PTCSC3: variants seen among roughly 807,000 people sequenced by gnomAD.
The protein encoded by PTCSC3 is papillary thyroid carcinoma susceptibility candidate 3.
At chr14:36,172,576 T>A (rs1410275943) in intron 1 of PTCSC3, among the ~76,000 whole-genome samples, 1 of 152,170 alleles carries the variant, frequency 6.6e-6, no homozygotes, top group Non-Finnish European at 1.5e-5. Flanking sequence ...TGCCTAATGT[T>A]CCTTGTTTTC....
chr14:36,162,579 T>A (rs1881990522), intron 2 of PTCSC3: 1 of 152,242 alleles, frequency 6.6e-6, no homozygotes, highest in Admixed American at 6.5e-5. Context: ...CCAGTCCCAA[T>A]GAGATTAACT....
intron 3 of PTCSC3, among the ~76,000 whole-genome samples, chr14:36,147,354 G>A (rs1881600443): frequency 6.6e-6 from 1 of 152,134 alleles, no homozygotes; most frequent in Non-Finnish European, 1.5e-5. Flanking sequence ...TGGAGGCTTT[G>A]CTCATTTCTT....
chr14:36,136,632 A>C (rs937380284), intron 3 of PTCSC3, among the ~76,000 whole-genome samples: 2 of 152,170 alleles, frequency 1.3e-5, no homozygotes, highest in Non-Finnish European at 2.9e-5. Context: ...TTACCCAGTA[A>C]TTATGCTTAT....
At chr14:36,166,633 C>G (rs1334485438) in intron 1 of PTCSC3, among the ~76,000 whole-genome samples, 2 of 151,892 alleles carry the variant, frequency 1.3e-5, no homozygotes, top group Non-Finnish European at 2.9e-5. Flanking sequence ...ACAGTTGTCC[C>G]AGAAATCTCT....
At chr14:36,157,688 G>A (rs1455231008) in intron 2 of PTCSC3, among the ~76,000 whole-genome samples, 1 of 152,042 alleles carries the variant, frequency 6.6e-6, no homozygotes, top group East Asian at 1.9e-4. Context: ...GTCAGGTAGT[G>A]TGATGCCCCC....
chr14:36,168,148 G>C (rs1009700933), intron 1 of PTCSC3, among the ~76,000 whole-genome samples: 1 of 151,862 alleles, frequency 6.6e-6, no homozygotes, highest in Non-Finnish European at 1.5e-5. Flanking sequence ...TTTCTATCTT[G>C]ATATTTTCTC....
At chr14:36,141,467 A>G (rs183713074) in intron 3 of PTCSC3, among the ~76,000 whole-genome samples, 1 of 152,060 alleles carries the variant, frequency 6.6e-6, no homozygotes, top group East Asian at 1.9e-4. Context: ...ATATATATCT[A>G]TAAACATCCC....
At chr14:36,148,212 C>A (rs1260004727) in intron 3 of PTCSC3, among the ~76,000 whole-genome samples, 1 of 152,086 alleles carries the variant, frequency 6.6e-6, no homozygotes, top group Non-Finnish European at 1.5e-5. Flanking sequence ...TTCCCGGCTG[C>A]TTTGTTTACC....
rs372091601 is a variant in PTCSC3, at chr14:36,166,360, G to C, written n.172-3677C>G. On this transcript the variant is annotated intron_variant and non_coding_transcript_variant, in intron 1 of 3. Transcript: ENST00000556013. ...AATATGTGTAAGTTATTAAATTAAGGCTCAACTACGTCTGAATTTTTAGTG... is the reference window on the plus strand; with the variant it reads ...AATATGTGTAAGTTATTAAATTAAGCCTCAACTACGTCTGAATTTTTAGTG... 7.8e-4 allele frequency among the ~76,000 whole-genome samples: 119 copies of C among 152,252 alleles called. 2 individuals carry two copies. The highest frequency in any genetic ancestry group is 2.8e-3 in the African/African-American group (115 of 41,544).
At chr14:36,145,565 G>A (rs1389109068) in intron 3 of PTCSC3, among the ~76,000 whole-genome samples, 1 of 135,510 alleles carries the variant, frequency 7.4e-6, no homozygotes, top group African/African-American at 2.7e-5. Flanking sequence ...TTCTTTATTA[G>A]TCTTGCTAGC....
intron 2 of PTCSC3, among the ~76,000 whole-genome samples, chr14:36,154,544 A>G (rs995089155): frequency 6.6e-6 from 1 of 152,178 alleles, no homozygotes; most frequent in Admixed American, 6.5e-5. Context: ...AATATTACTT[A>G]CTATCACTCT....
intron 3 of PTCSC3, among the ~76,000 whole-genome samples, chr14:36,150,580 A>G (rs982973075): frequency 4.6e-5 from 7 of 152,174 alleles, no homozygotes; most frequent in African/African-American, 1.4e-4. Context: ...CACATTTTAA[A>G]TTGTTTTCTA....
chr14:36,137,201 G>T (rs565745535), intron 3 of PTCSC3, among the ~76,000 whole-genome samples: 3 of 152,294 alleles, frequency 2.0e-5, no homozygotes, highest in African/African-American at 7.2e-5. Flanking sequence ...AACGCTGCAG[G>T]TAGAGGCAAC....
At chr14:36,156,499 G>A (rs184983012) in intron 2 of PTCSC3, among the ~76,000 whole-genome samples, 1 of 152,034 alleles carries the variant, frequency 6.6e-6, no homozygotes, top group Non-Finnish European at 1.5e-5. Flanking sequence ...GAATGTGCAG[G>A]TTTGTTGCAC....
At chr14:36,153,532 G>A (rs1881767675) in intron 3 of PTCSC3, among the ~76,000 whole-genome samples, 1 of 152,138 alleles carries the variant, frequency 6.6e-6, no homozygotes, top group Non-Finnish European at 1.5e-5. Context: ...GAGATTATTT[G>A]TACAACCACT....
intron 1 of PTCSC3, among the ~76,000 whole-genome samples, chr14:36,168,662 C>T (rs952362700): frequency 6.6e-6 from 1 of 152,066 alleles, no homozygotes; most frequent in African/African-American, 2.4e-5. Context: ...GTCACCCAGG[C>T]TGTAGTGCAG....
At chr14:36,160,717 T>G (rs1241740087) in intron 2 of PTCSC3, among the ~76,000 whole-genome samples, 1 of 152,150 alleles carries the variant, frequency 6.6e-6, no homozygotes, top group African/African-American at 2.4e-5. Flanking sequence ...TTGCTCTTCT[T>G]GAAGAGTATC....
At chr14:36,137,566 G>A (rs1402061695) in intron 3 of PTCSC3, among the ~76,000 whole-genome samples, 1 of 152,174 alleles carries the variant, frequency 6.6e-6, no homozygotes, top group Non-Finnish European at 1.5e-5. Flanking sequence ...GGTAGGAATA[G>A]CATAATGAGA....
chr14:36,173,349 T>A (rs1594458362), intron 1 of PTCSC3, among the ~76,000 whole-genome samples: 1 of 152,060 alleles, frequency 6.6e-6, no homozygotes, highest in East Asian at 1.9e-4. Context: ...GTAGAGGCAA[T>A]CAACACTGTA....
Sources: allele counts gnomAD v4.1 joint callset (sites outside exome capture counted in the v4.1 genomes callset), GRCh38; gene constraint gnomAD v4.1.1; transcripts MANE v1.5; gene names NCBI Gene and HGNC (gene_info 2026-07-23, HGNC 2026-07-21).